Variants in CSMD3 observed in about 807,000 individuals in gnomAD.
CSMD3 encodes CUB and Sushi multiple domains 3.
In CSMD3, 177 loss-of-function variants were observed where a neutral mutation model predicts 435.2. That is an observed-to-expected ratio of 0.41 (90% CI 0.36 to 0.46). CSMD3 has a LOEUF of 0.46. CSMD3 is among the 20% of genes least tolerant of loss of function. The pLI is 0.34. For synonymous variants in CSMD3, 1,656 were observed against 1,520.5 expected (o/e 1.09, Z -2.07); for missense variants, 4,265 against 4,504.6 (o/e 0.95, Z 1.52).
chr8:113,212,962 A>G (rs1256645557), intron 3 of CSMD3, among the ~76,000 whole-genome samples: 1 of 151,172 alleles, frequency 6.6e-6, no homozygotes, highest in Non-Finnish European at 1.5e-5. Context: ...AGTGACTATA[A>G]CAATTTCTAA....
At chr8:113,421,543 G>A (rs935627183) in intron 1 of CSMD3, among the ~76,000 whole-genome samples, 1 of 152,054 alleles carries the variant, frequency 6.6e-6, no homozygotes, top group African/African-American at 2.4e-5. Flanking sequence ...ATAAAATTTT[G>A]TCAACTGTGT....
chr8:113,309,179 G>A (rs986632898), intron 2 of CSMD3: 4 of 151,976 alleles, frequency 2.6e-5, no homozygotes, highest in Admixed American at 1.3e-4. Context: ...TCAAACTCCC[G>A]AGCTCCAGCC....
In CSMD3 at chr8:112,289,471, C is replaced by T. The variant is rs758225879; in HGVS notation, c.9042G>A (p.Gly3014=). ...CTGTGCAGGAATAGTGAACAGTAGACCCAAAAGTATACTTCTCGCCAGACA... is the reference window on the plus strand; with the variant it reads ...CTGTGCAGGAATAGTGAACAGTAGATCCAAAAGTATACTTCTCGCCAGACA... ...AVLSGEKYTF[G]STVHYSCTGK... Residue 3014 remains glycine (G), a synonymous_variant, in exon 57 of 71, where the codon GGG becomes GGA. Coordinates refer to ENST00000297405, the MANE Select transcript of CSMD3 (RefSeq NM_198123.2). 8 of 1,613,070 alleles carry T rather than the reference C, an allele frequency of 5.0e-6. No individual in the cohort carries two copies. The African/African-American group carries it at 9.3e-5, about 19-fold the overall frequency.
chr8:112,910,466 A>G (rs554526784), intron 10 of CSMD3, among the ~76,000 whole-genome samples: 1 of 151,856 alleles, frequency 6.6e-6, no homozygotes, highest in East Asian at 2.0e-4. Context: ...CCCTACAAAA[A>G]CATTATACCT....
intron 3 of CSMD3, among the ~76,000 whole-genome samples, chr8:113,180,704 A>G (rs1352128979): frequency 6.6e-6 from 1 of 152,088 alleles, no homozygotes; most frequent in Admixed American, 6.6e-5. Context: ...TCTGTAGTAT[A>G]GAAGAGAGTT....
At chr8:112,682,001 A>G (rs2075908020) in intron 16 of CSMD3, among the ~76,000 whole-genome samples, 1 of 149,834 alleles carries the variant, frequency 6.7e-6, no homozygotes, top group Non-Finnish European at 1.5e-5. Context: ...CAGAAATCAT[A>G]TATTTTAAAT....
At chr8:112,768,366 T>C (rs1378373112) in intron 13 of CSMD3, among the ~76,000 whole-genome samples, 3 of 151,888 alleles carry the variant, frequency 2.0e-5, no homozygotes, top group African/African-American at 4.8e-5. Flanking sequence ...TCACTTTTTA[T>C]ACCTGTCCTT....
At chr8:112,786,479 A>T (rs925398403) in intron 13 of CSMD3, among the ~76,000 whole-genome samples, 3 of 152,116 alleles carry the variant, frequency 2.0e-5, no homozygotes, top group African/African-American at 7.2e-5. Flanking sequence ...TGAAGAGAAA[A>T]CACACAAAAT....
chr8:112,592,833 T>C (rs11985551), intron 22 of CSMD3, among the ~76,000 whole-genome samples: 86,836 of 151,874 alleles, frequency 0.57, 25,330 homozygotes, highest in African/African-American at 0.67. Flanking sequence ...TAGGTCCTCT[T>C]CCTCATGTGA....
chr8:112,586,752 T>C (rs1830760049), intron 23 of CSMD3, among the ~76,000 whole-genome samples: 1 of 151,298 alleles, frequency 6.6e-6, no homozygotes, highest in South Asian at 2.1e-4. Flanking sequence ...GTTTTATATA[T>C]AATAATTTAT....
chr8:112,529,903 G>T (rs1296453036), intron 27 of CSMD3, among the ~76,000 whole-genome samples: 1 of 152,042 alleles, frequency 6.6e-6, no homozygotes, highest in Non-Finnish European at 1.5e-5. Flanking sequence ...TCATAAAGAT[G>T]CTCAGAAAGC....
intron 11 of CSMD3, among the ~76,000 whole-genome samples, chr8:112,855,160 G>T (rs1427726172): frequency 2.6e-5 from 4 of 151,970 alleles, no homozygotes; most frequent in Admixed American, 2.6e-4. Flanking sequence ...AAAAAATGTG[G>T]CTACTGGAAA....
In CSMD3 at chr8:113,328,227, AG is replaced by A. The variant is rs1353524486; in HGVS notation, c.179-13435del. Among the ~76,000 whole-genome samples, 13 of 151,876 alleles carry A rather than the reference AG, an allele frequency of 8.6e-5. No individual in the cohort carries two copies. The South Asian group carries it at 1.9e-3, about 22-fold the overall frequency. ...GCCGAGGCGGGCGGATCACGAGGTC[AG>A]GAGATCGAGACCATCCCGGCTAAAA... On this transcript the variant is annotated intron_variant, in intron 1 of 70. Transcript: ENST00000297405.
rs191030995 is a variant in CSMD3 at position 112,845,491 on chromosome 8, G to A, written c.1755+13654C>T. ...GTGAAAAAGTATATTCCCTACAGAAGGAGCGGCTTATCCCCAAAATACAGG... is the reference window on the plus strand; with the variant it reads ...GTGAAAAAGTATATTCCCTACAGAAAGAGCGGCTTATCCCCAAAATACAGG... On this transcript the variant is annotated intron_variant, in intron 11 of 70. Transcript: ENST00000297405. Among the ~76,000 whole-genome samples the A allele has an allele frequency of 1.4e-4, 21 of 152,168 alleles. No homozygotes were observed. The East Asian group carries it at 2.1e-3, about 15-fold the overall frequency.
intron 13 of CSMD3, among the ~76,000 whole-genome samples, chr8:112,749,304 G>A (rs2077513032): frequency 6.6e-6 from 1 of 152,110 alleles, no homozygotes; most frequent in South Asian, 2.1e-4. Context: ...TGTTTACTCT[G>A]TTGATAGATT....
chr8:112,504,994 G>C (rs1380249152), intron 29 of CSMD3, among the ~76,000 whole-genome samples: 1 of 152,098 alleles, frequency 6.6e-6, no homozygotes. Flanking sequence ...CTAAGCAATA[G>C]ATTTGTTACG....
intron 65 of CSMD3, among the ~76,000 whole-genome samples, chr8:112,242,510 G>A (rs2130078607): frequency 6.6e-6 from 1 of 152,196 alleles, no homozygotes; most frequent in Admixed American, 6.6e-5. Context: ...AGTCCCAGTA[G>A]AGATAATACT....
Position 112,291,225 on chromosome 8 carries a change from C to T in CSMD3, c.8974+285G>A, listed in dbSNP as rs552151477. 1.5e-4 allele frequency among the ~76,000 whole-genome samples: 23 copies of T among 151,662 alleles called. 1 individual carries two copies. The highest frequency in any genetic ancestry group is 6.2e-4 in the South Asian group (3 of 4,808). ...TAAAAGTGTAGTTGCCTCTTACAGACGATAATATTGTAAAGTAGGAAATAT... is the reference window on the plus strand; with the variant it reads ...TAAAAGTGTAGTTGCCTCTTACAGATGATAATATTGTAAAGTAGGAAATAT... On this transcript the variant is annotated intron_variant, in intron 56 of 70. Transcript: ENST00000297405.
rs1281869651 is a variant in CSMD3 at position 112,313,977 on chromosome 8, C to T, written c.7625G>A (p.Gly2542Asp). 1 of 1,610,912 alleles carries T rather than the reference C, an allele frequency of 6.2e-7. No homozygotes were observed. Among genetic ancestry groups the T allele is most frequent in the Non-Finnish European group, 8.5e-7 (1 of 1,177,428 alleles). Residue 2542 changes from glycine to aspartate, a missense_variant, in exon 49 of 71, where the codon GGT becomes GAT. Around this residue, in one of 3 missense-constraint regions of CSMD3, gnomAD observed 3,255 missense variants for 3,380.2 expected, o/e 0.96. Coordinates refer to ENST00000297405, the MANE Select transcript of CSMD3 (RefSeq NM_198123.2). ...TGACCACTGAAGAAATACTTCATGA[C>T]CATTGCTTGTTATATTAAAAGCAGA... ...YSSAFNITSNGHEVFLQWSAD... is the reference protein window; with the variant it reads ...YSSAFNITSNDHEVFLQWSAD...
Sources: allele counts gnomAD v4.1 joint callset (sites outside exome capture counted in the v4.1 genomes callset), GRCh38; gene constraint gnomAD v4.1.1; regional missense constraint gnomAD v4.1.1; transcripts MANE v1.5; gene names NCBI Gene and HGNC (gene_info 2026-07-23, HGNC 2026-07-21).